Variants in TFB1M observed in about 807,000 individuals in gnomAD.
TFB1M encodes the protein transcription factor B1, mitochondrial.
A neutral mutation model predicts 31.1 loss-of-function variants in TFB1M; 27 were observed. The observed-to-expected ratio is 0.87, with a 90% CI of 0.64 to 1.20. TFB1M has a LOEUF of 1.20. Ranked by LOEUF, TFB1M falls within the 50% of genes most tolerant of loss-of-function variation. The pLI is 0.00. For synonymous variants in TFB1M, 166 were observed against 151.8 expected, an observed-to-expected ratio of 1.09 and a Z score of -0.69; for missense variants, 394 against 418.7, an observed-to-expected ratio of 0.94 and a Z score of 0.51.
chr6:155,272,567 C>T (rs1424401452), intron 5 of TFB1M, among the ~76,000 whole-genome samples: 7 of 151,772 alleles, frequency 4.6e-5, no homozygotes, highest in Non-Finnish European at 7.4e-5. Context: ...TTATTCTCTA[C>T]GAGATAGAAA....
chr6:155,232,456 C>T, the TFB1M span: 1 of 152,368 alleles, frequency 6.6e-6, no homozygotes, highest in East Asian at 1.9e-4. Context: ...AAACCACACC[C>T]TTTCTGGGGC....
At chr6:155,289,759 CA>C (rs1248245012) in intron 4 of TFB1M, among the ~76,000 whole-genome samples, 3 of 152,156 alleles carry the variant, frequency 2.0e-5, no homozygotes, top group African/African-American at 7.2e-5. Context: ...TGTCCCTGCC[CA>C]AATCTCGCCA....
intron 2 of TFB1M, chr6:155,310,810 T>C (rs1049915506): frequency 1.9e-5 from 4 of 206,848 alleles, no homozygotes; most frequent in South Asian, 8.0e-5. Context: ...TAAATGAAGT[T>C]CTCAAAAGTC....
At chr6:155,265,268 G>A (rs1024064599) in intron 5 of TFB1M, among the ~76,000 whole-genome samples, 1 of 152,206 alleles carries the variant, frequency 6.6e-6, no homozygotes, top group Non-Finnish European at 1.5e-5. Context: ...AGCAACTCCC[G>A]TCCCTCAGAG....
chr6:155,251,934 CCTTT>C (rs1783683933), downstream of TFB1M: 3 of 1,595,510 alleles, frequency 1.9e-6, no homozygotes, highest in Non-Finnish European at 2.6e-6. Context: ...TTTCTCTTTT[CCTTT>C]CTTTAGTTTT....
downstream of TFB1M, chr6:155,253,833 G>A (rs1783830116): frequency 1.6e-6 from 1 of 632,294 alleles, no homozygotes; most frequent in Admixed American, 3.2e-5. Context: ...ATCATACATA[G>A]AACAAGCCAC....
Position 155,278,378 on chromosome 6 carries a change from T to G in TFB1M, c.666+6780A>C, listed in dbSNP as rs80010170. Among the ~76,000 whole-genome samples the G allele has an allele frequency of 3.4e-4, 52 of 152,336 alleles. No individual in the cohort carries two copies. The East Asian group carries it at 8.9e-3, about 26-fold the overall frequency. Reference sequence around the variant, plus strand: ...ATAGCTCACATGAGCACACCAAGACTTAAGTAATGTGTACTGTGTAAAAAC... The same window carrying G: ...ATAGCTCACATGAGCACACCAAGACGTAAGTAATGTGTACTGTGTAAAAAC... On this transcript the variant is annotated intron_variant, in intron 5 of 6. Transcript: ENST00000367166.
chr6:155,258,786 A>C (rs1784243790), intron 6 of TFB1M, among the ~76,000 whole-genome samples: 1 of 152,140 alleles, frequency 6.6e-6, no homozygotes. Context: ...GCCAGGGGAG[A>C]TAGATAGCAT....
At position 155,314,464 on chromosome 6, in the gene TFB1M, C is replaced by A; in HGVS notation, c.-36G>T. On this transcript the variant is annotated 5_prime_UTR_variant, in exon 1 of 7. Coordinates refer to ENST00000367166, the MANE Select transcript of TFB1M (RefSeq NM_016020.4). The stretch of plus-strand genomic sequence containing the variant: ...AAGCACCATCCAACCCTACCTCACC[C>A]AGGACCTTCACCGCCGCTCCGAAAG... 6.2e-7 allele frequency: 1 copy of A among 1,612,904 alleles called. No homozygotes were observed. The highest frequency in any genetic ancestry group is 8.5e-7 in the Non-Finnish European group (1 of 1,179,488).
chr6:155,260,123 C>T, intron 6 of TFB1M, 150 bp downstream of exon 6: 1 of 926,954 alleles, frequency 1.1e-6, no homozygotes, highest in Non-Finnish European at 1.7e-6. Context: ...TTGCTCTCTC[C>T]TCATTGGCAG....
the TFB1M span, among the ~76,000 whole-genome samples, chr6:155,239,837 C>A: frequency 6.6e-6 from 1 of 152,212 alleles, no homozygotes; most frequent in East Asian, 1.9e-4. Context: ...CCTCGCCAGG[C>A]CTTATGTGTC....
intron 6 of TFB1M, among the ~76,000 whole-genome samples, chr6:155,259,332 T>C (rs1269541891): frequency 6.6e-6 from 1 of 152,226 alleles, no homozygotes; most frequent in Non-Finnish European, 1.5e-5. Context: ...AAGCAGGAAC[T>C]ATCTGGTAAG....
At chr6:155,300,917 G>A (rs1319879516) in intron 2 of TFB1M, among the ~76,000 whole-genome samples, 1 of 152,054 alleles carries the variant, frequency 6.6e-6, no homozygotes, top group African/African-American at 2.4e-5. Context: ...CAATTCTCTT[G>A]CCTCAGCTTC....
At chr6:155,311,627 A>G (rs1034111890) in intron 1 of TFB1M, among the ~76,000 whole-genome samples, 4 of 152,206 alleles carry the variant, frequency 2.6e-5, no homozygotes, top group Non-Finnish European at 5.9e-5. Flanking sequence ...CATCTGTCCC[A>G]TGCAAATTCC....
chr6:155,314,062 C>G (rs747120097), intron 1 of TFB1M: 8 of 1,407,218 alleles, frequency 5.7e-6, no homozygotes, highest in Admixed American at 2.8e-5. Context: ...ATTTATGCAG[C>G]CTGCCGGCAG....
intron 5 of TFB1M, among the ~76,000 whole-genome samples, chr6:155,278,685 G>T (rs1314895743): frequency 1.3e-5 from 2 of 152,198 alleles, no homozygotes; most frequent in African/African-American, 4.8e-5. Flanking sequence ...GCTAGTAAGT[G>T]GGGAGATGGT....
intron 4 of TFB1M, among the ~76,000 whole-genome samples, chr6:155,286,501 G>A (rs555836643): frequency 7.2e-6 from 1 of 139,000 alleles, no homozygotes; most frequent in Non-Finnish European, 1.5e-5. Context: ...ATATATGTGT[G>A]TATATATATG....
chr6:155,257,827 A>AGGCAGCAGCTAGAGTCTGTAATTCTCT lies in TFB1M; in HGVS notation c.1023_*8dup, dbSNP rs746282628. On this transcript the variant is annotated 3_prime_UTR_variant, in exon 7 of 7. Coordinates refer to ENST00000367166, the MANE Select transcript of TFB1M (RefSeq NM_016020.4). The stretch of plus-strand genomic sequence containing the variant: ...GACATCTGGTAGGCTGCTCGCCCCC[A>AGGCAGCAGCTAGAGTCTGTAATTCTCT]GGCAGCAGCTAGAGTCTGTAATTCT... The AGGCAGCAGCTAGAGTCTGTAATTCTCT allele has an allele frequency of 6.2e-7, 1 of 1,613,898 alleles. No homozygotes were observed. The highest frequency in any genetic ancestry group is 1.3e-5 in the African/African-American group (1 of 74,910).
chr6:155,248,026 T>C, the TFB1M span: 1 of 1,614,156 alleles, frequency 6.2e-7, no homozygotes, highest in African/African-American at 1.3e-5. Context: ...CTTCAAGGCT[T>C]TTCTGGACGC....
Sources: allele counts gnomAD v4.1 joint callset (sites outside exome capture counted in the v4.1 genomes callset), GRCh38; gene constraint gnomAD v4.1.1; transcripts MANE v1.5; gene names NCBI Gene and HGNC (gene_info 2026-07-23, HGNC 2026-07-21).